Variants in SRR observed in about 807,000 individuals in gnomAD.
SRR encodes the protein serine racemase, also known as D-serine ammonia-lyase.
In SRR, 19 loss-of-function variants were observed where a neutral mutation model predicts 32.7. The observed-to-expected ratio is 0.58, with a 90% CI of 0.40 to 0.85. SRR has a LOEUF of 0.85. Ranked by LOEUF, SRR falls within the 40% of genes least tolerant of loss-of-function variation. The probability of loss-of-function intolerance (pLI) is 0.00; values close to 1 mark genes in which losing one functional copy is unlikely to be tolerated. For missense variants in SRR, 373 were observed against 404.7 expected (o/e 0.92, Z 0.67); for synonymous variants, 142 against 140.9 (o/e 1.01, Z -0.06).
chr17:2,319,943 C>T (rs975928249), intron 4 of SRR, among the ~76,000 whole-genome samples: 7 of 151,586 alleles, frequency 4.6e-5, no homozygotes, highest in African/African-American at 7.3e-5. Context: ...CTCAGCCTCC[C>T]GAGTAGCTGG....
intron 2 of SRR, among the ~76,000 whole-genome samples, chr17:2,315,965 C>T (rs1309028859): frequency 6.6e-6 from 1 of 151,898 alleles, no homozygotes; most frequent in East Asian, 1.9e-4. Context: ...TATAACTTAT[C>T]CGAGTAATTT....
intron 4 of SRR, among the ~76,000 whole-genome samples, chr17:2,319,764 A>G (rs942001900): frequency 2.6e-5 from 4 of 151,670 alleles, no homozygotes; most frequent in Admixed American, 2.6e-4. Context: ...TTGCCACACT[A>G]CAGGCTTTTT....
chr17:2,303,582 A>G, upstream of SRR: 1 of 1,374,122 alleles, frequency 7.3e-7, no homozygotes, highest in South Asian at 1.6e-5. Context: ...GGAGGAGGAG[A>G]GGGAGGCGGG....
intron 4 of SRR, among the ~76,000 whole-genome samples, chr17:2,320,251 CTTTTTTTTTTT>C (rs35025479): frequency 2.6e-5 from 2 of 76,748 alleles, no homozygotes; most frequent in East Asian, 9.2e-4. Context: ...CATCTCTCAT[CTTTTTTTTTTT>C]TTTTTTTTTT....
intron 1 of SRR, chr17:2,307,233 C>G: frequency 7.9e-7 from 1 of 1,267,486 alleles, no homozygotes; most frequent in South Asian, 1.2e-5. Context: ...ATCATGACTC[C>G]GTGGATAAGA....
At chr17:2,307,825 G>C (rs2075403241) in intron 1 of SRR, 1 of 679,174 alleles carries the variant, frequency 1.5e-6, no homozygotes, top group African/African-American at 1.8e-5. Context: ...GCAGGGCCTA[G>C]CTGCTACAAA....
chr17:2,309,795 A>T lies in SRR; in HGVS notation c.-4-5762A>T, dbSNP rs144310549. On this transcript the variant is annotated intron_variant, in intron 1 of 7. Coordinates refer to ENST00000344595, the MANE Select transcript of SRR (RefSeq NM_021947.3). ...TCTTCAGTGACCTCATACCCTGGCC[A>T]CTGGTCCTGGGCCAAGATGGGCCAG... 11 of 152,280 alleles carry T rather than the reference A, an allele frequency of 7.2e-5. No individual in the cohort carries two copies. The East Asian group carries it at 2.1e-3, about 29-fold the overall frequency. 9.4% of individuals were successfully genotyped at this position (152,280 alleles called of 1,614,324 possible).
At position 2,324,314 on chromosome 17, in the gene SRR, A is replaced by C. The variant is rs1437063668; in HGVS notation, c.*441A>C. ...GAAGACTCGTTTATACAGGTTCATC[A>C]GTACTGTGTCTTGAGATTTTAGCTT... On this transcript the variant is annotated 3_prime_UTR_variant, in exon 8 of 8. Coordinates refer to ENST00000344595, the MANE Select transcript of SRR (RefSeq NM_021947.3). 1.9e-6 allele frequency: 3 copies of C among 1,566,278 alleles called. No individual in the cohort carries two copies. The highest frequency in any genetic ancestry group is 2.6e-6 in the Non-Finnish European group (3 of 1,159,652).
In SRR at chr17:2,323,910, T is replaced by C; in HGVS notation, c.*37T>C. ...GGAAATGGTGGGAATTCAGTGTCTT[T>C]AGATACTGAAGACATTTTGTTTCCT... is the stretch of plus-strand genomic sequence containing the variant. On this transcript the variant is annotated 3_prime_UTR_variant, in exon 8 of 8. Coordinates refer to ENST00000344595, the MANE Select transcript of SRR (RefSeq NM_021947.3). 2 of 1,546,080 alleles carry C rather than the reference T, an allele frequency of 1.3e-6. No homozygotes were observed. The highest frequency in any genetic ancestry group is 1.4e-5 in the African/African-American group (1 of 73,562).
chr17:2,324,984 T>A lies in SRR; in HGVS notation c.*1111T>A, dbSNP rs2075566938. 1 of 786,204 alleles carries A rather than the reference T, an allele frequency of 1.3e-6. No individual in the cohort carries two copies. Among genetic ancestry groups the A allele is most frequent in the Non-Finnish European group, 1.9e-6 (1 of 513,446 alleles). The allele number at this position is 786,204 out of a possible 1,614,324, so 48.7% of individuals were successfully genotyped here. ...GATTGGTAAACTGTAAGCCCACACT[T>A]AACCTTGTCAATAGGTTCTTGAAAA... On this transcript the variant is annotated 3_prime_UTR_variant, in exon 8 of 8. Coordinates refer to ENST00000344595, the MANE Select transcript of SRR (RefSeq NM_021947.3).
chr17:2,317,405 G>C (rs946807851), intron 2 of SRR, among the ~76,000 whole-genome samples: 5 of 151,782 alleles, frequency 3.3e-5, no homozygotes, highest in African/African-American at 7.3e-5. Flanking sequence ...CCGGCTACTC[G>C]AGAAGCTGAG....
intron 1 of SRR, among the ~76,000 whole-genome samples, 173 bp downstream of exon 1, chr17:2,304,190 G>T (rs1282912911): frequency 1.3e-5 from 2 of 151,902 alleles, no homozygotes; most frequent in Non-Finnish European, 2.9e-5. Context: ...CACAGGCCCG[G>T]CCTAGCGCCG....
Position 2,317,927 on chromosome 17 carries a change from C to T in SRR, c.226C>T (p.Pro76Ser), listed in dbSNP as rs865798826. 2 of 1,613,826 alleles carry T rather than the reference C, an allele frequency of 1.2e-6. No homozygotes were observed. Among genetic ancestry groups the T allele is most frequent in the Non-Finnish European group, 1.7e-6 (2 of 1,179,910 alleles). ...SLVPDALERK[P>S]KAVVTHSSGN... ...GGTTCCTGATGCTTTAGAAAGGAAG[C>T]CGAAAGCTGTTGTTACTCACAGCAG... is the stretch of plus-strand genomic sequence containing the variant. The change falls in exon 3 of 8, where the codon CCG (proline) becomes TCG (serine). Residue 76 changes from proline to serine, a missense_variant. Transcript: ENST00000344595.
rs531355065 is a variant in SRR at position 2,313,474 on chromosome 17, G to A, written c.-4-2083G>A. Among the ~76,000 whole-genome samples the A allele has an allele frequency of 5.9e-5, 9 of 151,420 alleles. No homozygotes were observed. The South Asian group carries it at 1.5e-3, about 25-fold the overall frequency. On this transcript the variant is annotated intron_variant, in intron 1 of 7. Transcript: ENST00000344595. Reference sequence around the variant, plus strand: ...AAATGGGCCGGGCGTGGTGGCTCACGCCTGTAATACCAGCACTTTGGGAGG... The same window carrying A: ...AAATGGGCCGGGCGTGGTGGCTCACACCTGTAATACCAGCACTTTGGGAGG...
intron 7 of SRR, 72 bp from the exon 8 acceptor site, chr17:2,323,583 C>G (rs2075552927): frequency 6.7e-7 from 1 of 1,492,006 alleles, no homozygotes; most frequent in African/African-American, 1.4e-5. Context: ...GACACGTATT[C>G]TCATCTGAAC....
At chr17:2,303,731 G>C (rs2075345304), upstream of SRR, 1 of 1,490,340 alleles carries the variant, frequency 6.7e-7, no homozygotes, top group East Asian at 2.9e-5. Flanking sequence ...CTTCGCGGCT[G>C]CTGCTACAGC....
In SRR at chr17:2,324,711, T is replaced by C; in HGVS notation, c.*838T>C. On this transcript the variant is annotated 3_prime_UTR_variant, in exon 8 of 8. Transcript: ENST00000344595. ...CACCTCTGTTGAAGAACATGTAACGTACTACTGCCATCTTAGTAAAAATTT... is the reference window on the plus strand; with the variant it reads ...CACCTCTGTTGAAGAACATGTAACGCACTACTGCCATCTTAGTAAAAATTT... The C allele has an allele frequency of 6.2e-7, 1 of 1,614,192 alleles. No individual in the cohort carries two copies. Among genetic ancestry groups the C allele is most frequent in the South Asian group, 1.1e-5 (1 of 91,082 alleles).
At position 2,324,822 on chromosome 17, in the gene SRR, G is replaced by A. The variant is rs2075565470; in HGVS notation, c.*949G>A. ...TAAGATGGCCTGTAGCAATGAGGCT[G>A]TGCATTCCTAAAGGACAAAAGCAAA... On this transcript the variant is annotated 3_prime_UTR_variant, in exon 8 of 8. Coordinates refer to ENST00000344595, the MANE Select transcript of SRR (RefSeq NM_021947.3). 1 of 1,610,194 alleles carries A rather than the reference G, an allele frequency of 6.2e-7. No individual in the cohort carries two copies. The highest frequency in any genetic ancestry group is 2.2e-5 in the East Asian group (1 of 44,872).
intron 3 of SRR, among the ~76,000 whole-genome samples, chr17:2,318,309 T>A (rs943603755): frequency 2.0e-5 from 3 of 151,972 alleles, no homozygotes; most frequent in Admixed American, 6.6e-5. Context: ...CACGCCTGGC[T>A]AATTTTTTCT....
Sources: gnomAD v4.1 joint callset for allele counts (sites outside exome capture counted in the v4.1 genomes callset) on GRCh38, gnomAD v4.1.1 for gene constraint, MANE v1.5 for transcripts, NCBI Gene and HGNC (gene_info 2026-07-23, HGNC 2026-07-21) for gene names.